MCF2L2: variants seen among roughly 807,000 people sequenced by gnomAD.
MCF2L2 encodes probable guanine nucleotide exchange factor MCF2L2.
MCF2L2 carries 102 observed loss-of-function variants against 150.2 expected under a neutral mutation model. That is an observed-to-expected ratio of 0.68 (90% CI 0.58 to 0.80). The LOEUF is 0.80. Among genes scored for constraint, MCF2L2 ranks in the 30% least tolerant of loss-of-function variants. The pLI, the probability that MCF2L2 is intolerant of heterozygous loss-of-function variation, is 0.00. For missense variants in MCF2L2, 1,256 were observed against 1,372.8 expected (o/e 0.91, Z 1.34); for synonymous variants, 465 against 491.3 (o/e 0.95, Z 0.71).
chr3:183,219,254 A>T (rs770485624), intron 21 of MCF2L2, among the ~76,000 whole-genome samples: 1 of 152,188 alleles, frequency 6.6e-6, no homozygotes, highest in African/African-American at 2.4e-5. Context: ...ACATTTTATC[A>T]TATCTATTTA....
chr3:183,203,459 G>T (rs769771034), intron 25 of MCF2L2, among the ~76,000 whole-genome samples: 9 of 152,150 alleles, frequency 5.9e-5, no homozygotes, highest in Non-Finnish European at 1.2e-4. Flanking sequence ...CACTAGAGTG[G>T]CTGGCTCAAT....
chr3:183,261,995 CAT>C (rs61309164), intron 15 of MCF2L2, among the ~76,000 whole-genome samples: 12,975 of 128,362 alleles, frequency 0.1, 1,961 homozygotes, highest in African/African-American at 0.32. Flanking sequence ...ATTGGGCATT[CAT>C]ATATATATAT....
At chr3:183,418,996 C>T (rs1322502207) in intron 1 of MCF2L2, among the ~76,000 whole-genome samples, 1 of 152,248 alleles carries the variant, frequency 6.6e-6, no homozygotes, top group East Asian at 1.9e-4. Flanking sequence ...CATGAGGGCT[C>T]TGCCCCTGCA....
chr3:183,215,878 G>T, intron 22 of MCF2L2, 91 bp downstream of exon 22: 3 of 1,439,460 alleles, frequency 2.1e-6, no homozygotes, highest in Middle Eastern at 3.7e-4. Context: ...TACCATAGAC[G>T]ATCTCTCTGA....
intron 1 of MCF2L2, among the ~76,000 whole-genome samples, chr3:183,420,302 G>A (rs1159431838): frequency 6.6e-6 from 1 of 152,090 alleles, no homozygotes; most frequent in African/African-American, 2.4e-5. Flanking sequence ...TTTCCACACT[G>A]CTATAAAGAT....
chr3:183,192,809 G>T, intron 27 of MCF2L2, 190 bp downstream of exon 27: 1 of 494,010 alleles, frequency 2.0e-6, no homozygotes, highest in Admixed American at 3.4e-5. Context: ...TGTTAATTCT[G>T]CCCCATTAGC....
intron 2 of MCF2L2, 121 bp downstream of exon 2, chr3:183,389,575 G>C: frequency 5.0e-6 from 4 of 792,380 alleles, no homozygotes; most frequent in Non-Finnish European, 8.5e-6. Context: ...TTCTAGTCCC[G>C]GGTGAAGCCT....
chr3:183,300,743 G>A lies in MCF2L2; in HGVS notation c.1114-547C>T, dbSNP rs145677600. 4.6e-5 allele frequency among the ~76,000 whole-genome samples: 7 copies of A among 152,232 alleles called. No homozygotes were observed. In the East Asian group the frequency reaches 5.8e-4, roughly 13 times the overall value. On this transcript the variant is annotated intron_variant, in intron 10 of 29. Coordinates refer to ENST00000328913, the MANE Select transcript of MCF2L2 (RefSeq NM_015078.4). ...AGAAATATGCTTGTCTAGGCTGGGCGTGGTGGCTCCCACCTGTAATGCCAG... is the reference window on the plus strand; with the variant it reads ...AGAAATATGCTTGTCTAGGCTGGGCATGGTGGCTCCCACCTGTAATGCCAG...
At chr3:183,233,383 G>T (rs1167012993) in intron 15 of MCF2L2, among the ~76,000 whole-genome samples, 2 of 130,130 alleles carry the variant, frequency 1.5e-5, no homozygotes, top group African/African-American at 3.1e-5. Context: ...CATACATATA[G>T]ATATAGATAG....
At position 183,382,242 on chromosome 3, in the gene MCF2L2, A is replaced by G. The variant is rs371748906; in HGVS notation, c.161-2831T>C. 1.6e-4 allele frequency among the ~76,000 whole-genome samples: 25 copies of G among 152,178 alleles called. No individual in the cohort carries two copies. The South Asian group carries it at 2.7e-3, about 16-fold the overall frequency. ...CCCAGCTAATTTTTGTATTTTTAGT[A>G]GAGACGGGGTTTCACCATGTTGGCC... On this transcript the variant is annotated intron_variant, in intron 2 of 29. Transcript: ENST00000328913.
chr3:183,336,113 T>C (rs1730467247), intron 5 of MCF2L2, among the ~76,000 whole-genome samples: 1 of 152,234 alleles, frequency 6.6e-6, no homozygotes, highest in Non-Finnish European at 1.5e-5. Flanking sequence ...GAGTCTGCAG[T>C]ATTTTATTAT....
In MCF2L2 at chr3:183,224,082, G is replaced by A. The variant is rs777797872; in HGVS notation, c.2208+16C>T. The A allele has an allele frequency of 3.8e-6, 6 of 1,598,636 alleles. No individual in the cohort carries two copies. The highest frequency in any genetic ancestry group is 2.2e-5 in the South Asian group (2 of 90,714). On this transcript the variant is annotated intron_variant, in intron 19 of 29. Coordinates refer to ENST00000328913, the MANE Select transcript of MCF2L2 (RefSeq NM_015078.4). ...AGAAACATTTTCCAGGAAGAAGTTT[G>A]TCTTCTCAACATTACCCCAAAGTAG...
chr3:183,208,057 T>C (rs950061638), intron 22 of MCF2L2, among the ~76,000 whole-genome samples: 1 of 152,226 alleles, frequency 6.6e-6, no homozygotes, highest in Admixed American at 6.5e-5. Context: ...GGTAATGCTA[T>C]ACATAAAGAA....
chr3:183,353,497 G>A (rs185252528), intron 3 of MCF2L2, among the ~76,000 whole-genome samples: 236 of 152,272 alleles, frequency 1.5e-3, no homozygotes, highest in African/African-American at 5.5e-3. Flanking sequence ...CGGTTCTGCA[G>A]GCTATATGGG....
chr3:183,327,512 G>A (rs1337016847), intron 5 of MCF2L2, among the ~76,000 whole-genome samples: 2 of 152,090 alleles, frequency 1.3e-5, no homozygotes, highest in African/African-American at 4.8e-5. Flanking sequence ...GACTGGCATC[G>A]CTCTTGTTAT....
chr3:183,424,217 T>A (rs1473726291), intron 1 of MCF2L2, among the ~76,000 whole-genome samples: 2 of 152,198 alleles, frequency 1.3e-5, no homozygotes, highest in East Asian at 1.9e-4. Flanking sequence ...CCTACATGTG[T>A]CCTGCATGGA....
intron 15 of MCF2L2, among the ~76,000 whole-genome samples, chr3:183,273,886 C>G (rs1726997359): frequency 6.6e-6 from 1 of 152,100 alleles, no homozygotes; most frequent in African/African-American, 2.4e-5. Context: ...GTATGTATAA[C>G]CTGGGATGTT....
chr3:183,387,822 C>G (rs1713916932), intron 2 of MCF2L2, among the ~76,000 whole-genome samples: 1 of 150,280 alleles, frequency 6.7e-6, no homozygotes, highest in Non-Finnish European at 1.5e-5. Flanking sequence ...ATCCCAGCTA[C>G]TCAGGAGGCT....
chr3:183,339,123 G>C (rs1730605164), intron 4 of MCF2L2, among the ~76,000 whole-genome samples: 1 of 151,878 alleles, frequency 6.6e-6, no homozygotes, highest in African/African-American at 2.4e-5. Context: ...AAAAAACAAA[G>C]CAAACCAAAC....
Sources: allele counts gnomAD v4.1 joint callset (sites outside exome capture counted in the v4.1 genomes callset), GRCh38; gene constraint gnomAD v4.1.1; transcripts MANE v1.5; gene names NCBI Gene and HGNC (gene_info 2026-07-23, HGNC 2026-07-21).